TAFA2: variants seen among roughly 807,000 people sequenced by gnomAD.
TAFA2 encodes the protein TAFA chemokine like family member 2.
In TAFA2, 7 loss-of-function variants were observed where a neutral mutation model predicts 18.8. The observed-to-expected ratio is 0.37, with a 90% CI of 0.21 to 0.70. TAFA2 has a LOEUF of 0.70. TAFA2 is among the 30% of genes least tolerant of loss of function. The pLI is 0.53. For missense variants in TAFA2, 122 were observed against 158.1 expected, an observed-to-expected ratio of 0.77 and a Z score of 1.23; for synonymous variants, 60 against 54.2, an observed-to-expected ratio of 1.11 and a Z score of -0.47.
chr12:62,154,940 A>C (rs537335604), intron 1 of TAFA2, among the ~76,000 whole-genome samples: 1 of 152,306 alleles, frequency 6.6e-6, no homozygotes, highest in Admixed American at 6.5e-5. Context: ...TGGAAGTCCT[A>C]GCCAGAGCAA....
At chr12:61,781,890 G>A (rs1384842642) in intron 2 of TAFA2, among the ~76,000 whole-genome samples, 1 of 151,446 alleles carries the variant, frequency 6.6e-6, no homozygotes, top group East Asian at 1.9e-4. Context: ...ATGGTTGCCG[G>A]GGGAAAAAGT....
chr12:61,798,592 A>T (rs530022669), intron 2 of TAFA2, among the ~76,000 whole-genome samples: 1 of 151,952 alleles, frequency 6.6e-6, no homozygotes, highest in African/African-American at 2.4e-5. Context: ...CCCCCATTCT[A>T]CTTTCTGTGT....
At chr12:61,819,713 T>C (rs1872241006) in intron 2 of TAFA2, among the ~76,000 whole-genome samples, 1 of 152,168 alleles carries the variant, frequency 6.6e-6, no homozygotes, top group Non-Finnish European at 1.5e-5. Flanking sequence ...ACTATTCATT[T>C]GCCAAAAATG....
At chr12:61,821,182 T>C (rs1218922188) in intron 2 of TAFA2, among the ~76,000 whole-genome samples, 2 of 150,380 alleles carry the variant, frequency 1.3e-5, no homozygotes, top group Admixed American at 1.3e-4. Flanking sequence ...TGGAGGGTGC[T>C]GAAACATCTT....
intron 2 of TAFA2, among the ~76,000 whole-genome samples, chr12:61,846,089 A>G (rs1873392546): frequency 6.6e-6 from 1 of 152,204 alleles, no homozygotes; most frequent in South Asian, 2.1e-4. Flanking sequence ...TTGGGAATCC[A>G]GACCCACTTT....
At chr12:62,207,437 C>A (rs1273001967) in intron 1 of TAFA2, among the ~76,000 whole-genome samples, 1 of 152,040 alleles carries the variant, frequency 6.6e-6, no homozygotes, top group African/African-American at 2.4e-5. Flanking sequence ...AAAATGCTGA[C>A]ATGGTCTGTA....
intron 1 of TAFA2, among the ~76,000 whole-genome samples, chr12:62,132,515 C>A (rs1870731843): frequency 6.6e-6 from 1 of 151,854 alleles, no homozygotes; most frequent in Non-Finnish European, 1.5e-5. Flanking sequence ...TCTCTCTATA[C>A]TAAATTTTTT....
At chr12:62,119,737 C>T (rs910952601) in intron 1 of TAFA2, among the ~76,000 whole-genome samples, 1 of 152,144 alleles carries the variant, frequency 6.6e-6, no homozygotes, top group Non-Finnish European at 1.5e-5. Context: ...GCTCTTGTTT[C>T]TCTGTTTCTG....
At chr12:61,883,860 T>C (rs1875253675) in intron 1 of TAFA2, among the ~76,000 whole-genome samples, 2 of 152,200 alleles carry the variant, frequency 1.3e-5, no homozygotes, top group African/African-American at 4.8e-5. Context: ...CTCAAATCCT[T>C]GAGTTGGAAA....
At chr12:61,875,211 G>T (rs75156203) in intron 1 of TAFA2, among the ~76,000 whole-genome samples, 4,004 of 152,132 alleles carry the variant, frequency 0.026, 162 homozygotes, top group East Asian at 0.11. Context: ...CCCTGTTGAG[G>T]CATTTTACTC....
chr12:61,740,601 A>T (rs1045625538), intron 4 of TAFA2, among the ~76,000 whole-genome samples: 4 of 152,076 alleles, frequency 2.6e-5, no homozygotes, highest in African/African-American at 9.7e-5. Context: ...TATTCAGAAA[A>T]TGATTACACT....
chr12:62,204,760 G>T (rs2062684829), intron 1 of TAFA2, among the ~76,000 whole-genome samples: 1 of 151,958 alleles, frequency 6.6e-6, no homozygotes, highest in Non-Finnish European at 1.5e-5. Context: ...TCTTTACATT[G>T]GGTTAGAACA....
intron 2 of TAFA2, among the ~76,000 whole-genome samples, chr12:61,862,834 C>G (rs1324258726): frequency 2.0e-5 from 3 of 152,186 alleles, no homozygotes; most frequent in Non-Finnish European, 4.4e-5. Flanking sequence ...ATATTCCCTC[C>G]TGAATACTTC....
intron 1 of TAFA2, among the ~76,000 whole-genome samples, chr12:61,955,093 C>T (rs1001229915): frequency 6.6e-6 from 1 of 151,946 alleles, no homozygotes; most frequent in Non-Finnish European, 1.5e-5. Flanking sequence ...ATTAGTTTTA[C>T]TAAAAATGTT....
intron 1 of TAFA2, among the ~76,000 whole-genome samples, chr12:62,108,751 T>C (rs1453286788): frequency 1.3e-5 from 2 of 152,252 alleles, no homozygotes; most frequent in African/African-American, 2.4e-5. Flanking sequence ...TGGTGAGTTT[T>C]TTTACATATG....
chr12:62,245,110 AT>A (rs1003579866), intron 1 of TAFA2, among the ~76,000 whole-genome samples: 12 of 151,922 alleles, frequency 7.9e-5, no homozygotes, highest in South Asian at 2.1e-4. Flanking sequence ...GTATAAAAAT[AT>A]TTTTTTTCTA....
intron 4 of TAFA2, among the ~76,000 whole-genome samples, chr12:61,728,015 G>C (rs1016443013): frequency 1.4e-4 from 20 of 141,244 alleles, no homozygotes; most frequent in Non-Finnish European, 2.3e-4. Context: ...CCATGTATTT[G>C]CATACTTTTG....
intron 2 of TAFA2, among the ~76,000 whole-genome samples, chr12:61,862,758 C>T (rs1276867877): frequency 1.3e-5 from 2 of 152,148 alleles, no homozygotes; most frequent in Non-Finnish European, 2.9e-5. Flanking sequence ...CATCCTTTCC[C>T]TGAATACTCC....
At chr12:62,257,808 G>A (rs2062947763) in intron 1 of TAFA2, among the ~76,000 whole-genome samples, 1 of 152,154 alleles carries the variant, frequency 6.6e-6, no homozygotes. Context: ...GGTGATTAAG[G>A]TGAAGTAGCT....
Sources: gnomAD v4.1 joint callset for allele counts (sites outside exome capture counted in the v4.1 genomes callset) on GRCh38, gnomAD v4.1.1 for gene constraint, MANE v1.5 for transcripts, NCBI Gene and HGNC (gene_info 2026-07-23, HGNC 2026-07-21) for gene names.